TOM1L1: variants seen among roughly 807,000 people sequenced by gnomAD.
TOM1L1 encodes the protein TOM1-like protein 1.
TOM1L1 carries 64 observed loss-of-function variants against 63.4 expected under a neutral mutation model. The observed-to-expected ratio is 1.01, with a 90% CI of 0.83 to 1.24. The LOEUF (loss-of-function observed/expected upper bound fraction) is 1.24. Ranked by LOEUF, TOM1L1 falls within the 50% of genes most tolerant of loss-of-function variation. The pLI, the probability that TOM1L1 is intolerant of heterozygous loss-of-function variation, is 0.00. For synonymous variants in TOM1L1, 166 were observed against 194.4 expected (o/e 0.85, Z 1.22); for missense variants, 536 against 567.0 (o/e 0.95, Z 0.55).
intron 12 of TOM1L1, among the ~76,000 whole-genome samples, chr17:54,948,416 TC>T (rs1303807738): frequency 1.3e-5 from 2 of 152,200 alleles, no homozygotes; most frequent in East Asian, 3.8e-4. Context: ...CAGGCTCACC[TC>T]CTGCCCCTCT....
intron 14 of TOM1L1, chr17:54,952,681 A>C (rs2049296835): frequency 6.6e-6 from 1 of 152,166 alleles, no homozygotes; most frequent in Admixed American, 6.5e-5. Context: ...GGAATTAATA[A>C]CTGCACACTC....
chr17:54,907,162 T>TA (rs2048425561), intron 3 of TOM1L1, among the ~76,000 whole-genome samples: 1 of 151,516 alleles, frequency 6.6e-6, no homozygotes, highest in Non-Finnish European at 1.5e-5. Flanking sequence ...CCTTTTTTTT[T>TA]TTTTTTTGAC....
At chr17:54,912,945 G>A (rs1057382125) in intron 4 of TOM1L1, 130 bp downstream of exon 4, 13 of 836,998 alleles carry the variant, frequency 1.6e-5, no homozygotes, top group Non-Finnish European at 2.1e-5. Flanking sequence ...TGCTATTTTA[G>A]TTTCTGTGTA....
chr17:54,936,254 A>G (rs2048944636), intron 8 of TOM1L1, among the ~76,000 whole-genome samples: 2 of 152,230 alleles, frequency 1.3e-5, no homozygotes, highest in Non-Finnish European at 2.9e-5. Flanking sequence ...TGATAGATTC[A>G]TAAGGTAAAA....
At chr17:54,926,502 G>A (rs187583103) in intron 7 of TOM1L1, among the ~76,000 whole-genome samples, 5 of 152,112 alleles carry the variant, frequency 3.3e-5, no homozygotes, top group African/African-American at 1.2e-4. Flanking sequence ...AGTAAGACAA[G>A]AAGAGAATGC....
chr17:54,913,597 C>G (rs929268810), intron 4 of TOM1L1, 151 bp from the exon 5 acceptor site: 1 of 744,328 alleles, frequency 1.3e-6, no homozygotes, highest in African/African-American at 2.0e-5. Flanking sequence ...ACCCAGGAGG[C>G]GGAGATTGCA....
In TOM1L1 at chr17:54,946,380, AC is replaced by A. The variant is rs1328513912; in HGVS notation, c.1131-878del. 2.6e-5 allele frequency among the ~76,000 whole-genome samples: 4 copies of A among 152,220 alleles called. No homozygotes were observed. The East Asian group carries it at 5.8e-4, about 22-fold the overall frequency. On this transcript the variant is annotated intron_variant, in intron 11 of 15. Coordinates refer to ENST00000575882, the MANE Select transcript of TOM1L1 (RefSeq NM_005486.3). ...CAGTCATAAAGCTGGAGCTTTAGTT[AC>A]CCTATGATACCACACATTTCCTTGA... is the stretch of plus-strand genomic sequence containing the variant.
At chr17:54,950,956 T>A (rs138025266) in intron 14 of TOM1L1, among the ~76,000 whole-genome samples, 6 of 152,194 alleles carry the variant, frequency 3.9e-5, no homozygotes, top group Non-Finnish European at 7.3e-5. Context: ...AATTCTACAA[T>A]GGACACCAGC....
chr17:54,958,658 A>C (rs2077017796), intron 14 of TOM1L1, among the ~76,000 whole-genome samples: 1 of 146,016 alleles, frequency 6.8e-6, no homozygotes, highest in Non-Finnish European at 1.5e-5. Context: ...TGAACCCAGG[A>C]GGTAGAGGCT....
At chr17:54,948,971 GT>G (rs111943244) in intron 12 of TOM1L1, among the ~76,000 whole-genome samples, 4 of 151,156 alleles carry the variant, frequency 2.6e-5, no homozygotes, top group Admixed American at 6.6e-5. Flanking sequence ...GCAATATATG[GT>G]TTTTTTTTCA....
intron 11 of TOM1L1, among the ~76,000 whole-genome samples, chr17:54,946,832 G>A (rs532793963): frequency 6.6e-6 from 1 of 152,218 alleles, no homozygotes; most frequent in Non-Finnish European, 1.5e-5. Context: ...ATTATTCAGA[G>A]TCCTCAAATA....
At chr17:54,917,796 A>G (rs111968340) in intron 7 of TOM1L1, among the ~76,000 whole-genome samples, 10 of 152,320 alleles carry the variant, frequency 6.6e-5, no homozygotes, top group African/African-American at 2.4e-4. Context: ...GTGCTTGATA[A>G]TATTTTCAGA....
intron 11 of TOM1L1, 137 bp from the exon 12 acceptor site, chr17:54,947,124 C>T (rs2049132713): frequency 1.3e-6 from 1 of 776,042 alleles, no homozygotes. Context: ...GTTTTATAAA[C>T]AGTTATTACA....
At position 54,937,097 on chromosome 17, in the gene TOM1L1, C is replaced by G. The variant is rs767522317; in HGVS notation, c.916-12C>G. On this transcript the variant is annotated splice_polypyrimidine_tract_variant and intron_variant, in intron 9 of 15. Transcript: ENST00000575882. ...TACATGACACTTTTTTTTTTTTTTG[C>G]TTTGTTTTCAGACTACCAGTGAGCC... The G allele has an allele frequency of 2.4e-4, 308 of 1,298,868 alleles. No homozygotes were observed. Among genetic ancestry groups the G allele is most frequent in the Non-Finnish European group, 3.0e-4 (291 of 965,382 alleles). The allele number at this position is 1,298,868 out of a possible 1,614,324, so 80.5% of individuals were successfully genotyped here.
At position 54,903,763 on chromosome 17, in the gene TOM1L1, C is replaced by G. The variant is rs1415600549; in HGVS notation, c.114C>G (p.Ile38Met). 1 of 1,614,232 alleles carries G rather than the reference C, an allele frequency of 6.2e-7. No homozygotes were observed. Among genetic ancestry groups the G allele is most frequent in the Non-Finnish European group, 8.5e-7 (1 of 1,180,032 alleles). ...QTEDWGQFMH[I>M]CDIINTTQDG... is the part of the protein sequence containing the mutation. ...AAGATTGGGGCCAGTTCATGCACAT[C>G]TGTGACATAATTAACACTACCCAGG... The change falls in exon 2 of 16, where the codon ATC becomes ATG. Residue 38 changes from isoleucine (I) to methionine (M), a missense_variant. Coordinates refer to ENST00000575882, the MANE Select transcript of TOM1L1 (RefSeq NM_005486.3).
chr17:54,909,692 A>G (rs950507348), intron 3 of TOM1L1, among the ~76,000 whole-genome samples: 3 of 152,212 alleles, frequency 2.0e-5, no homozygotes, highest in African/African-American at 7.2e-5. Flanking sequence ...AGATAAGGAC[A>G]CTGAAGCTTA....
At position 54,930,145 on chromosome 17, in the gene TOM1L1, G is replaced by A. The variant is rs375679599; in HGVS notation, c.793G>A (p.Val265Ile). Residue 265 changes from valine (V) to isoleucine (I), a missense_variant, in exon 8 of 16, where the codon GTA (valine) becomes ATA (isoleucine). Coordinates refer to ENST00000575882, the MANE Select transcript of TOM1L1 (RefSeq NM_005486.3). ...DLLVVVENED[V>I]TVELIQVNED... ...GCTTGTGGTGGTGGAGAACGAAGAT[G>A]TAACTGTTGAGCTAATTCAGGTGAA... 1.4e-5 allele frequency: 22 copies of A among 1,614,116 alleles called. No homozygotes were observed. The highest frequency in any genetic ancestry group is 1.9e-5 in the Non-Finnish European group (22 of 1,179,984).
At chr17:54,956,121 T>TA (rs979863542) in intron 14 of TOM1L1, among the ~76,000 whole-genome samples, 1 of 152,202 alleles carries the variant, frequency 6.6e-6, no homozygotes, top group African/African-American at 2.4e-5. Flanking sequence ...CATCTGGTAA[T>TA]AGACAACTCT....
rs140350908 is a variant in TOM1L1, at chr17:54,935,974, T to C, written c.855-675T>C. Among the ~76,000 whole-genome samples, 77 of 152,152 alleles carry C rather than the reference T, an allele frequency of 5.1e-4. 1 individual carries two copies. In the East Asian group the frequency reaches 0.015, roughly 29 times the overall value. On this transcript the variant is annotated intron_variant, in intron 8 of 15. Coordinates refer to ENST00000575882, the MANE Select transcript of TOM1L1 (RefSeq NM_005486.3). Reference sequence around the variant, plus strand: ...CCCGTCTCTACTAAAAATACAAAAATTAGCTGGGCATGGTGGCACACGCCT... The same window carrying C: ...CCCGTCTCTACTAAAAATACAAAAACTAGCTGGGCATGGTGGCACACGCCT...
Sources: gnomAD v4.1 joint callset for allele counts (sites outside exome capture counted in the v4.1 genomes callset) on GRCh38, gnomAD v4.1.1 for gene constraint, MANE v1.5 for transcripts, NCBI Gene and HGNC (gene_info 2026-07-23, HGNC 2026-07-21) for gene names.